MACROD2: variants seen among roughly 807,000 people sequenced by gnomAD.
MACROD2 encodes the protein mono-ADP ribosylhydrolase 2.
Under a neutral mutation model 70.4 loss-of-function variants are expected in MACROD2, and 36 were observed. That is an observed-to-expected ratio of 0.51 (90% CI 0.39 to 0.68). The LOEUF (loss-of-function observed/expected upper bound fraction) is 0.68, where lower values mean the gene tolerates loss of function less well. MACROD2 is among the 30% of genes least tolerant of loss of function. MACROD2 has a pLI of 0.00. For missense variants in MACROD2, 496 were observed against 538.4 expected, an observed-to-expected ratio of 0.92 and a Z score of 0.78; for synonymous variants, 172 against 178.8, an observed-to-expected ratio of 0.96 and a Z score of 0.30.
At chr20:14,089,632 A>G (rs1017119315) in intron 3 of MACROD2, among the ~76,000 whole-genome samples, 4 of 152,138 alleles carry the variant, frequency 2.6e-5, no homozygotes, top group Non-Finnish European at 4.4e-5. Flanking sequence ...AATTATGCAT[A>G]TTTAGTATGT....
At chr20:15,686,919 T>C (rs1206760367) in intron 8 of MACROD2, among the ~76,000 whole-genome samples, 3 of 148,992 alleles carry the variant, frequency 2.0e-5, no homozygotes, top group Non-Finnish European at 4.5e-5. Flanking sequence ...ATATCATAAT[T>C]GACAGGACAA....
At chr20:14,147,459 C>T (rs1239327094) in intron 3 of MACROD2, among the ~76,000 whole-genome samples, 1 of 152,062 alleles carries the variant, frequency 6.6e-6, no homozygotes, top group Non-Finnish European at 1.5e-5. Flanking sequence ...TAGTAAGCTC[C>T]TAATGTTAAC....
At chr20:15,756,906 T>C (rs1175007061) in intron 8 of MACROD2, among the ~76,000 whole-genome samples, 1 of 152,218 alleles carries the variant, frequency 6.6e-6, no homozygotes, top group Non-Finnish European at 1.5e-5. Flanking sequence ...CAGGCTGCTT[T>C]CTCCTCATTC....
intron 2 of MACROD2, among the ~76,000 whole-genome samples, chr20:14,012,580 T>C (rs886292903): frequency 1.3e-5 from 2 of 152,234 alleles, no homozygotes; most frequent in Admixed American, 1.3e-4. Context: ...GACCTAAATA[T>C]CAAGCACTTC....
intron 5 of MACROD2, among the ~76,000 whole-genome samples, chr20:14,975,629 G>A (rs1221781265): frequency 2.6e-5 from 4 of 152,222 alleles, no homozygotes; most frequent in Middle Eastern, 6.8e-3. Context: ...GCATGTGATG[G>A]CCTTGTTCTG....
intron 5 of MACROD2, among the ~76,000 whole-genome samples, chr20:14,755,499 C>T (rs2071928634): frequency 6.6e-6 from 1 of 152,050 alleles, no homozygotes; most frequent in Non-Finnish European, 1.5e-5. Flanking sequence ...TGAGCATTGG[C>T]TACGTGAATT....
At position 16,051,040 on chromosome 20, in the gene MACROD2, G is replaced by A. The variant is rs1320331123; in HGVS notation, c.*1164G>A. 2 of 152,288 alleles carry A rather than the reference G, an allele frequency of 1.3e-5. No homozygotes were observed. Among genetic ancestry groups the A allele is most frequent in the Non-Finnish European group, 2.9e-5 (2 of 68,108 alleles). The allele number at this position is 152,288 out of a possible 1,614,324, so 9.4% of individuals were successfully genotyped here. A position where few individuals can be genotyped will look rare whatever the true frequency, so the allele number is the denominator to read the frequency against. On this transcript the variant is annotated 3_prime_UTR_variant, in exon 18 of 18. Transcript: ENST00000684519. ...AAAAACCCAAGATGCCAGTGGTATA[G>A]TGGGCACAAGGGATGGCGACCATGA...
At chr20:14,987,775 T>C (rs2074862434) in intron 5 of MACROD2, among the ~76,000 whole-genome samples, 1 of 152,142 alleles carries the variant, frequency 6.6e-6, no homozygotes, top group Non-Finnish European at 1.5e-5. Context: ...TGTGCTAGAT[T>C]CTCCTTGGGA....
intron 8 of MACROD2, among the ~76,000 whole-genome samples, chr20:15,712,079 CT>C (rs1429431930): frequency 1.3e-5 from 2 of 152,176 alleles, no homozygotes; most frequent in African/African-American, 4.8e-5. Flanking sequence ...CAGTCCTATT[CT>C]TTGGTGATGC....
chr20:14,896,156 G>A (rs904261044), intron 5 of MACROD2, among the ~76,000 whole-genome samples: 2 of 152,080 alleles, frequency 1.3e-5, no homozygotes, highest in East Asian at 1.9e-4. Flanking sequence ...TTAGCTGGGC[G>A]TGGTGGTGGG....
chr20:14,942,738 A>T (rs1170291442), intron 5 of MACROD2, among the ~76,000 whole-genome samples: 1 of 148,896 alleles, frequency 6.7e-6, no homozygotes, highest in Non-Finnish European at 1.5e-5. Context: ...TTCGGACTGA[A>T]TGTCACGTCT....
At chr20:14,064,822 T>C (rs2053736541) in intron 2 of MACROD2, among the ~76,000 whole-genome samples, 2 of 152,180 alleles carry the variant, frequency 1.3e-5, no homozygotes, top group African/African-American at 4.8e-5. Context: ...CAGCTGTTAA[T>C]ACGATACTAA....
At chr20:14,950,866 C>G (rs866604013) in intron 5 of MACROD2, among the ~76,000 whole-genome samples, 1 of 152,050 alleles carries the variant, frequency 6.6e-6, no homozygotes, top group African/African-American at 2.4e-5. Context: ...ACTTAGGAGT[C>G]GTTAAAAGGC....
chr20:15,239,611 C>G (rs1393300153), intron 6 of MACROD2, among the ~76,000 whole-genome samples: 1 of 152,166 alleles, frequency 6.6e-6, no homozygotes. Context: ...AGTGCAGTCT[C>G]TCCATCTCTT....
intron 5 of MACROD2, among the ~76,000 whole-genome samples, chr20:14,968,930 G>C: frequency 6.6e-6 from 1 of 152,124 alleles, no homozygotes; most frequent in East Asian, 1.9e-4. Flanking sequence ...CACTTGCTCA[G>C]AGAGAGCTTT....
intron 3 of MACROD2, among the ~76,000 whole-genome samples, chr20:14,312,895 G>A (rs935823826): frequency 6.6e-6 from 1 of 152,218 alleles, no homozygotes; most frequent in Non-Finnish European, 1.5e-5. Flanking sequence ...CCACTATCCT[G>A]TACGCCAGAG....
Position 14,757,884 on chromosome 20 carries a change from T to A in MACROD2, c.418+72925T>A, listed in dbSNP as rs2071962810. 3.5e-6 allele frequency: 5 copies of A among 1,430,508 alleles called. No individual in the cohort carries two copies. The South Asian group carries it at 4.6e-5, about 13-fold the overall frequency. 88.6% of individuals were successfully genotyped at this position (1,430,508 alleles called of 1,614,324 possible). A position where few individuals can be genotyped will look rare whatever the true frequency, so the allele number is the denominator to read the frequency against. ...ACTGGCAGGCCTCGGCCTAAAGGTC[T>A]GAAGGGTGAGTGACCTGCAAGACTC... On this transcript the variant is annotated intron_variant, in intron 5 of 17. Coordinates refer to ENST00000684519, the MANE Select transcript of MACROD2 (RefSeq NM_001351661.2).
intron 12 of MACROD2, among the ~76,000 whole-genome samples, chr20:15,956,716 C>T (rs2065982213): frequency 6.6e-6 from 1 of 152,134 alleles, no homozygotes; most frequent in African/African-American, 2.4e-5. Context: ...CTACCCCAGA[C>T]CTTCAGGATC....
chr20:14,577,137 A>G (rs1379560046), intron 4 of MACROD2, among the ~76,000 whole-genome samples: 1 of 152,194 alleles, frequency 6.6e-6, no homozygotes, highest in Non-Finnish European at 1.5e-5. Context: ...AGCAGATACT[A>G]TTTAAGGTGA....
Sources: allele counts gnomAD v4.1 joint callset (sites outside exome capture counted in the v4.1 genomes callset), GRCh38; gene constraint gnomAD v4.1.1; transcripts MANE v1.5; gene names NCBI Gene and HGNC (gene_info 2026-07-23, HGNC 2026-07-21).